Variants in SH3BP4 observed in about 807,000 individuals in gnomAD.
SH3BP4 encodes SH3 domain binding protein 4, also known as SH3 domain-binding protein 4.
A neutral mutation model predicts 65.5 loss-of-function variants in SH3BP4; 33 were observed. That is an observed-to-expected ratio of 0.50 (90% CI 0.38 to 0.67). The LOEUF (loss-of-function observed/expected upper bound fraction) is 0.67, where lower values mean the gene tolerates loss of function less well. Among genes scored for constraint, SH3BP4 ranks in the 30% least tolerant of loss-of-function variants. SH3BP4 has a pLI of 0.00. For missense variants in SH3BP4, 1,134 were observed against 1,261.4 expected, an observed-to-expected ratio of 0.90 and a Z score of 1.53; for synonymous variants, 552 against 545.5, an observed-to-expected ratio of 1.01 and a Z score of -0.17.
At chr2:235,044,631 C>G (rs1310392851) in intron 4 of SH3BP4, among the ~76,000 whole-genome samples, 1 of 152,256 alleles carries the variant, frequency 6.6e-6, no homozygotes, top group East Asian at 1.9e-4. Flanking sequence ...AGGCGTGCTT[C>G]TTGGTGCCCG....
intron 1 of SH3BP4, among the ~76,000 whole-genome samples, chr2:234,975,651 G>T (rs977493935): frequency 2.6e-5 from 4 of 152,160 alleles, no homozygotes; most frequent in Admixed American, 1.3e-4. Flanking sequence ...TGAAACAGGA[G>T]GATTCCTTGA....
chr2:234,963,041 C>G (rs1054430406), intron 1 of SH3BP4, among the ~76,000 whole-genome samples: 1 of 152,182 alleles, frequency 6.6e-6, no homozygotes, highest in Non-Finnish European at 1.5e-5. Context: ...TGAGCCACCA[C>G]GCCCGGCAAT....
chr2:234,954,423 G>T (rs1692543058), intron 1 of SH3BP4, among the ~76,000 whole-genome samples: 1 of 152,172 alleles, frequency 6.6e-6, no homozygotes, highest in Non-Finnish European at 1.5e-5. Flanking sequence ...ACGTGGATCT[G>T]ATCAGGGTCT....
chr2:234,953,930 G>C (rs1240710328), intron 1 of SH3BP4, among the ~76,000 whole-genome samples: 1 of 151,682 alleles, frequency 6.6e-6, no homozygotes, highest in South Asian at 2.1e-4. Flanking sequence ...CTTGTAGGCG[G>C]ATTTCTTAAA....
chr2:234,965,832 G>A (rs1692821774), intron 1 of SH3BP4, among the ~76,000 whole-genome samples: 1 of 152,188 alleles, frequency 6.6e-6, no homozygotes, highest in Admixed American at 6.5e-5. Flanking sequence ...TGCCAACTAG[G>A]CATGATGGGA....
chr2:234,992,705 C>T (rs761664033), intron 1 of SH3BP4, among the ~76,000 whole-genome samples: 2 of 143,728 alleles, frequency 1.4e-5, no homozygotes, highest in Non-Finnish European at 3.1e-5. Flanking sequence ...ATTCCTGCTG[C>T]GTGGCTCTGG....
Position 235,052,729 on chromosome 2 carries a change from G to A in SH3BP4, c.2646G>A (p.Arg882=). The A allele has an allele frequency of 1.2e-6, 2 of 1,601,774 alleles. No homozygotes were observed. The highest frequency in any genetic ancestry group is 1.7e-6 in the Non-Finnish European group (2 of 1,175,210). Residue 882 remains arginine, a synonymous_variant, in exon 5 of 6, where the codon AGG becomes AGA. Coordinates refer to ENST00000392011, the MANE Select transcript of SH3BP4 (RefSeq NM_014521.3). This position sits in a 1 kb window ranked among gnomAD's most constrained non-coding sequence, Gnocchi z 5.0. ...CCTACGAGTCTCCCCACCGGGACAG[G>A]AACGGGGTTGTGGACAGCGAGGTGA... ...MDAYESPHRD[R]NGVVDSEAMW...
At chr2:234,980,288 G>A (rs1425949115) in intron 1 of SH3BP4, among the ~76,000 whole-genome samples, 1 of 152,142 alleles carries the variant, frequency 6.6e-6, no homozygotes, top group Non-Finnish European at 1.5e-5. Flanking sequence ...AGTTTAGTTT[G>A]TAAATTAGGC....
chr2:235,052,603 C>T lies in SH3BP4; in HGVS notation c.2520C>T (p.Leu840=). 6.4e-7 allele frequency: 1 copy of T among 1,556,950 alleles called. No homozygotes were observed. Among genetic ancestry groups the T allele is most frequent in the Non-Finnish European group, 8.7e-7 (1 of 1,150,452 alleles). ...KMDCQGLVVR[L]IQDFVLLTTA... ...ACTGCCAGGGCCTGGTGGTCAGACTCATCCAGGACTTTGTGCTCCTGACCA... is the reference window on the plus strand; with the variant it reads ...ACTGCCAGGGCCTGGTGGTCAGACTTATCCAGGACTTTGTGCTCCTGACCA... The change falls in exon 5 of 6, where the codon CTC becomes CTT. Residue 840 remains leucine (L), a synonymous_variant. Coordinates refer to ENST00000392011, the MANE Select transcript of SH3BP4 (RefSeq NM_014521.3). This position sits in a 1 kb window ranked among gnomAD's most constrained non-coding sequence, Gnocchi z 5.0.
intron 1 of SH3BP4, among the ~76,000 whole-genome samples, chr2:234,966,470 T>C (rs1315433725): frequency 6.6e-6 from 1 of 152,196 alleles, no homozygotes; most frequent in South Asian, 2.1e-4. Flanking sequence ...ACTTTCTTAA[T>C]CCTCAGGAAA....
chr2:234,984,829 T>C (rs1003406756), intron 1 of SH3BP4, among the ~76,000 whole-genome samples: 1 of 149,500 alleles, frequency 6.7e-6, no homozygotes, highest in African/African-American at 2.5e-5. Flanking sequence ...TTCGGGGAGA[T>C]GACTGGTCCC....
At chr2:235,023,253 A>C (rs1304373985) in intron 2 of SH3BP4, among the ~76,000 whole-genome samples, 3 of 152,150 alleles carry the variant, frequency 2.0e-5, no homozygotes, top group Non-Finnish European at 1.5e-5. Context: ...TCAGAATAAT[A>C]ATGGGAATTC....
Position 235,035,088 on chromosome 2 carries a change from G to C in SH3BP4, c.86G>C (p.Gly29Ala). 1.2e-6 allele frequency: 2 copies of C among 1,614,096 alleles called. No homozygotes were observed. The highest frequency in any genetic ancestry group is 1.1e-5 in the South Asian group (1 of 91,074). The change falls in exon 3 of 6, where the codon GGG becomes GCG. Residue 29 changes from glycine to alanine, a missense_variant. Gly to Ala is a moderately conservative substitution (Grantham distance 60). Transcript: ENST00000392011. This position sits in a 1 kb window ranked among gnomAD's most constrained non-coding sequence, Gnocchi z 5.0. ...SEGTLIDLSE[G>A]FSETSFNDIK... ...GGGACCCTGATTGACCTGAGCGAAG[G>C]GTTTTCAGAGACGAGCTTTAATGAC...
intron 1 of SH3BP4, among the ~76,000 whole-genome samples, chr2:234,959,582 T>G (rs1461180326): frequency 6.6e-6 from 1 of 152,238 alleles, no homozygotes; most frequent in Non-Finnish European, 1.5e-5. Context: ...CAATTTAATT[T>G]TTAATTCAGG....
At chr2:235,001,212 C>T (rs1001974463) in intron 2 of SH3BP4, among the ~76,000 whole-genome samples, 7 of 152,214 alleles carry the variant, frequency 4.6e-5, no homozygotes, top group Admixed American at 2.0e-4. Context: ...CCTGGGCTCC[C>T]GGGCCCTTGG....
chr2:234,957,213 T>G (rs1010241669), intron 1 of SH3BP4, among the ~76,000 whole-genome samples: 18 of 152,102 alleles, frequency 1.2e-4, no homozygotes, highest in African/African-American at 4.3e-4. Context: ...AGAGACCGGC[T>G]TCCCCATGTT....
At chr2:234,956,906 A>G (rs1460105857) in intron 1 of SH3BP4, among the ~76,000 whole-genome samples, 1 of 152,068 alleles carries the variant, frequency 6.6e-6, no homozygotes, top group Non-Finnish European at 1.5e-5. Context: ...AGCCCCTCCA[A>G]TGTAGGAGGT....
At chr2:234,958,088 C>A (rs1692629547) in intron 1 of SH3BP4, among the ~76,000 whole-genome samples, 1 of 151,924 alleles carries the variant, frequency 6.6e-6, no homozygotes, top group South Asian at 2.1e-4. Context: ...CCAGGCAGAC[C>A]CCCTGGGTGG....
rs1170622938 is a variant in SH3BP4, at chr2:235,041,235, T to C, written c.466T>C (p.Tyr156His). ...TDDKKVPGRMYSNNPFWNGVQ... is the reference protein window; with the variant it reads ...TDDKKVPGRMHSNNPFWNGVQ... ...TGACAAAAAAGTACCAGGCAGAATG[T>C]ACAGTAATAACCCTTTCTGGAATGG... The change falls in exon 4 of 6, where the codon TAC becomes CAC. Residue 156 changes from tyrosine to histidine, a missense_variant. Tyr to His is a moderately conservative substitution (Grantham distance 83). Coordinates refer to ENST00000392011, the MANE Select transcript of SH3BP4 (RefSeq NM_014521.3). The surrounding 1 kb of genome is among the most constrained non-coding windows in gnomAD (Gnocchi z 6.0). 4.3e-6 allele frequency: 7 copies of C among 1,614,118 alleles called. No individual in the cohort carries two copies. Among genetic ancestry groups the C allele is most frequent in the African/African-American group, 4.0e-5 (3 of 75,044 alleles).
Sources: allele counts gnomAD v4.1 joint callset (sites outside exome capture counted in the v4.1 genomes callset), GRCh38; gene constraint gnomAD v4.1.1; non-coding constraint Gnocchi (gnomAD v3.1); transcripts MANE v1.5; gene names NCBI Gene and HGNC (gene_info 2026-07-23, HGNC 2026-07-21).